The following PTPRD variants were observed in gnomAD, a reference collection of about 807,000 sequenced individuals.
PTPRD encodes protein tyrosine phosphatase receptor type D.
A neutral mutation model predicts 214.5 loss-of-function variants in PTPRD; 34 were observed. The ratio of observed to expected loss-of-function variants is 0.16; its 90% CI spans 0.12 to 0.21. PTPRD has a LOEUF of 0.21. Ranked by LOEUF, PTPRD falls within the 10% of genes least tolerant of loss-of-function variation. The pLI is 1.00. For missense variants in PTPRD, 2,545 were observed against 2,398.7 expected (o/e 1.06, Z -1.27); for synonymous variants, 1,128 against 845.7 (o/e 1.33, Z -5.79).
chr9:8,830,543 C>T (rs1241851026), intron 11 of PTPRD, among the ~76,000 whole-genome samples: 1 of 152,012 alleles, frequency 6.6e-6, no homozygotes, highest in African/African-American at 2.4e-5. Flanking sequence ...ATTAAGTGCT[C>T]TGTGACCAAA....
intron 8 of PTPRD, among the ~76,000 whole-genome samples, chr9:9,537,754 G>C (rs1458332665): frequency 6.6e-6 from 1 of 151,820 alleles, no homozygotes; most frequent in Non-Finnish European, 1.5e-5. Flanking sequence ...CAGCTTAAAA[G>C]TAACTGATAT....
chr9:10,215,278 G>GA (rs1005128005), intron 3 of PTPRD, among the ~76,000 whole-genome samples: 18 of 143,266 alleles, frequency 1.3e-4, no homozygotes, highest in South Asian at 4.4e-4. Flanking sequence ...TGGATTTGGA[G>GA]AAAAAAAAAA....
intron 5 of PTPRD, among the ~76,000 whole-genome samples, chr9:9,875,442 T>C (rs140138063): frequency 6.6e-6 from 1 of 152,200 alleles, no homozygotes; most frequent in African/African-American, 2.4e-5. Flanking sequence ...GAATATCTGT[T>C]AATAACCTAA....
intron 11 of PTPRD, among the ~76,000 whole-genome samples, chr9:8,752,720 G>A (rs1415654962): frequency 6.6e-6 from 1 of 152,030 alleles, no homozygotes; most frequent in African/African-American, 2.4e-5. Context: ...CTGACCCACT[G>A]TAGACCAATC....
In PTPRD at chr9:10,357,538, G is replaced by A. The variant is rs10959069; in HGVS notation, c.-599-16521C>T. ...GAATAATAAATCAGCTAATACGTAT[G>A]CAAAGTGCTTAGAGCAGAACTTGGC... On this transcript the variant is annotated intron_variant, in intron 2 of 45. Coordinates refer to ENST00000381196, the MANE Select transcript of PTPRD (RefSeq NM_002839.4). 5.2e-3 allele frequency among the ~76,000 whole-genome samples: 788 copies of A among 152,266 alleles called. 2 individuals carry two copies. Among genetic ancestry groups the A allele is most frequent in the Non-Finnish European group, 8.3e-3 (562 of 68,006 alleles).
chr9:8,796,106 G>T (rs1322740755), intron 11 of PTPRD, among the ~76,000 whole-genome samples: 1 of 152,164 alleles, frequency 6.6e-6, no homozygotes, highest in Non-Finnish European at 1.5e-5. Flanking sequence ...CATACTGTTG[G>T]TAGCCACAGC....
intron 10 of PTPRD, among the ~76,000 whole-genome samples, chr9:9,130,400 C>A (rs1476420542): frequency 6.6e-6 from 1 of 152,012 alleles, no homozygotes; most frequent in Non-Finnish European, 1.5e-5. Context: ...AAACAGAATC[C>A]TTCTTAACAA....
In PTPRD at chr9:9,947,304, T is replaced by TATATATATGTATTATATAGA. The variant is rs1566613791; in HGVS notation, c.-471-8695_-471-8694insTCTATATAATACATATATAT. ...TGTGCTCTGGAGATTATATATATATTTTATATATATATTATATATATTATA... is the reference window on the plus strand; with the variant it reads ...TGTGCTCTGGAGATTATATATATATTATATATATGTATTATATAGATTATATATATATTATATATATTATA... On this transcript the variant is annotated intron_variant, in intron 4 of 45. Coordinates refer to ENST00000381196, the MANE Select transcript of PTPRD (RefSeq NM_002839.4). 1.7e-4 allele frequency among the ~76,000 whole-genome samples: 14 copies of TATATATATGTATTATATAGA among 80,376 alleles called. No homozygotes were observed. The East Asian group carries it at 5.4e-3, about 31-fold the overall frequency. The allele number at this position is 80,376 out of a possible 152,430, so 52.7% of individuals were successfully genotyped here.
rs184831053 is a variant in PTPRD at position 9,469,599 on chromosome 9, T to A, written c.-236-72117A>T. Among the ~76,000 whole-genome samples, 432 of 152,280 alleles carry A rather than the reference T, an allele frequency of 2.8e-3. 4 individuals carry two copies. The highest frequency in any genetic ancestry group is 9.4e-3 in the African/African-American group (389 of 41,560). ...ACTGATGACAGATGAAAAGGCCTAT[T>A]GAGTGCTGGCAACTAATTTGAGCAT... On this transcript the variant is annotated intron_variant, in intron 8 of 45. Transcript: ENST00000381196.
chr9:10,069,403 G>A (rs2097950205), intron 3 of PTPRD, among the ~76,000 whole-genome samples: 1 of 152,002 alleles, frequency 6.6e-6, no homozygotes, highest in Non-Finnish European at 1.5e-5. Context: ...GGTTTGTAGT[G>A]CTATACTATG....
intron 5 of PTPRD, among the ~76,000 whole-genome samples, chr9:9,935,013 AC>A (rs1165427777): frequency 6.6e-6 from 1 of 152,236 alleles, no homozygotes; most frequent in Non-Finnish European, 1.5e-5. Flanking sequence ...AAGGCCTTTG[AC>A]AAAATTCAAC....
At chr9:9,741,121 AG>A (rs1156720649) in intron 6 of PTPRD, among the ~76,000 whole-genome samples, 1 of 152,206 alleles carries the variant, frequency 6.6e-6, no homozygotes, top group African/African-American at 2.4e-5. Context: ...GAAGTAGTAG[AG>A]GAATATAAAG....
chr9:10,039,811 T>C (rs1263103996), intron 3 of PTPRD, among the ~76,000 whole-genome samples: 5 of 151,998 alleles, frequency 3.3e-5, no homozygotes, highest in Non-Finnish European at 7.4e-5. Flanking sequence ...ATGTGAATCA[T>C]AGAGAGGACA....
chr9:8,823,481 T>C (rs191501371), intron 11 of PTPRD, among the ~76,000 whole-genome samples: 5 of 152,056 alleles, frequency 3.3e-5, no homozygotes, highest in African/African-American at 9.7e-5. Context: ...GCCTTCCCCA[T>C]CTCAAGAAAT....
intron 9 of PTPRD, among the ~76,000 whole-genome samples, chr9:9,336,153 A>G (rs575462423): frequency 1.3e-5 from 2 of 149,824 alleles, no homozygotes; most frequent in East Asian, 3.9e-4. Context: ...TAACCGCCTC[A>G]TAAGAGAAAC....
intron 14 of PTPRD, among the ~76,000 whole-genome samples, chr9:8,570,063 C>A (rs1264823307): frequency 6.6e-6 from 1 of 152,070 alleles, no homozygotes; most frequent in Non-Finnish European, 1.5e-5. Flanking sequence ...ACTATGCATC[C>A]TCTTACAACA....
chr9:8,748,227 C>T lies in PTPRD; in HGVS notation c.-103-14281G>A, dbSNP rs535894435. 3.3e-5 allele frequency among the ~76,000 whole-genome samples: 5 copies of T among 152,184 alleles called. No homozygotes were observed. The East Asian group carries it at 5.8e-4, about 18-fold the overall frequency. ...GACAGGACTAGCTGGATTTCCTAGG[C>T]GGAATAAGAATCCCTAAGCCTAGCT... On this transcript the variant is annotated intron_variant, in intron 11 of 45. Coordinates refer to ENST00000381196, the MANE Select transcript of PTPRD (RefSeq NM_002839.4).
At chr9:10,130,320 A>T (rs1445978731) in intron 3 of PTPRD, among the ~76,000 whole-genome samples, 1 of 152,128 alleles carries the variant, frequency 6.6e-6, no homozygotes, top group African/African-American at 2.4e-5. Context: ...GTGGAATAAC[A>T]TACCATTTTT....
chr9:8,940,279 CCTTTTTT>C (rs1567135847), intron 11 of PTPRD, among the ~76,000 whole-genome samples: 3 of 89,364 alleles, frequency 3.4e-5, no homozygotes, highest in Non-Finnish European at 4.5e-5. Context: ...CTCTCTCTCT[CCTTTTTT>C]TTTTTTTTTT....
Sources: gnomAD v4.1 joint callset for allele counts (sites outside exome capture counted in the v4.1 genomes callset) on GRCh38, gnomAD v4.1.1 for gene constraint, MANE v1.5 for transcripts, NCBI Gene and HGNC (gene_info 2026-07-23, HGNC 2026-07-21) for gene names.